The following ZNF195 variants were observed in gnomAD, a reference collection of about 807,000 sequenced individuals.
The protein encoded by ZNF195 is zinc finger protein 195, also known as hypoxia-regulated factor-1.
A neutral mutation model predicts 19.5 loss-of-function variants in ZNF195; 11 were observed. That is an observed-to-expected ratio of 0.57 (90% CI 0.36 to 0.94). ZNF195 has a LOEUF of 0.94. Ranked by LOEUF, ZNF195 falls within the 40% of genes least tolerant of loss-of-function variation. ZNF195 has a pLI of 0.01. For synonymous variants in ZNF195, 214 were observed against 248.1 expected (o/e 0.86, Z 1.29); for missense variants, 582 against 709.0 (o/e 0.82, Z 2.03).
At chr11:3,367,063 T>TAAAAA in intron 3 of ZNF195, 1 of 147,790 alleles carries the variant, frequency 6.8e-6, no homozygotes. Flanking sequence ...AAACTCTGTG[T>TAAAAA]AAAAAAAAAA....
chr11:3,376,006 A>G (rs901371624), intron 1 of ZNF195, among the ~76,000 whole-genome samples: 3 of 152,060 alleles, frequency 2.0e-5, no homozygotes, highest in Non-Finnish European at 4.4e-5. Context: ...ATCCTCCTTT[A>G]GAGTTCAATA....
intron 1 of ZNF195, among the ~76,000 whole-genome samples, chr11:3,374,521 A>G (rs557798338): frequency 9.2e-5 from 14 of 152,344 alleles, no homozygotes; most frequent in African/African-American, 3.4e-4. Flanking sequence ...TTGGAAAACA[A>G]TGTGTACACA....
Position 3,358,778 on chromosome 11 carries a change from C to T in ZNF195, c.*340G>A, listed in dbSNP as rs11026719. 1 of 1,964 alleles carries T rather than the reference C, an allele frequency of 5.1e-4. No individual in the cohort carries two copies. Among genetic ancestry groups the T allele is most frequent in the East Asian group, 0.12 (1 of 8 alleles). 0.1% of individuals were successfully genotyped at this position (1,964 alleles called of 1,614,324 possible). The stretch of plus-strand genomic sequence containing the variant: ...TCTGAACGTGTCCTTGCTTATTTTT[C>T]CCATTTAGTGTATTTGCAAAATATC... On this transcript the variant is annotated 3_prime_UTR_variant, in exon 6 of 6. Coordinates refer to ENST00000399602, the MANE Select transcript of ZNF195 (RefSeq NM_001130520.3).
rs1849627948 is a variant in ZNF195, at chr11:3,379,136, G to A, written c.-96C>T. The A allele has an allele frequency of 2.2e-6, 3 of 1,386,202 alleles. No individual in the cohort carries two copies. Among genetic ancestry groups the A allele is most frequent in the South Asian group, 3.3e-5 (2 of 60,334 alleles). The allele number at this position is 1,386,202 out of a possible 1,614,324, so 85.9% of individuals were successfully genotyped here. A position where few individuals can be genotyped will look rare whatever the true frequency, so the allele number is the denominator to read the frequency against. ...GCTAGCAGGGGACACAGAGCCGCGG[G>A]GACAGGAAGTGGAGCTCTGTCGGGA... On this transcript the variant is annotated 5_prime_UTR_variant, in exon 1 of 6. Transcript: ENST00000399602.
chr11:3,372,272 G>A (rs1473100316), intron 1 of ZNF195, among the ~76,000 whole-genome samples: 1 of 152,104 alleles, frequency 6.6e-6, no homozygotes, highest in African/African-American at 2.4e-5. Context: ...AATCTAAGAA[G>A]CAAAACCTTT....
At chr11:3,373,489 A>T in intron 1 of ZNF195, 1 of 1,011,688 alleles carries the variant, frequency 9.9e-7, no homozygotes, top group Non-Finnish European at 1.5e-6. Flanking sequence ...GAAACACCAC[A>T]AGTAGAGAAG....
intron 1 of ZNF195, chr11:3,373,544 G>A (rs747605747): frequency 6.7e-7 from 1 of 1,501,668 alleles, no homozygotes; most frequent in East Asian, 2.5e-5. Context: ...AGGAGCAAAA[G>A]TGGACACAAC....
chr11:3,374,912 T>C (rs1430289964), intron 1 of ZNF195, among the ~76,000 whole-genome samples: 1 of 152,166 alleles, frequency 6.6e-6, no homozygotes, highest in East Asian at 1.9e-4. Context: ...ACAGCGCTGG[T>C]GTTAGTAAAA....
At chr11:3,370,536 C>A (rs1031009439) in intron 3 of ZNF195, among the ~76,000 whole-genome samples, 5 of 152,210 alleles carry the variant, frequency 3.3e-5, no homozygotes, top group Non-Finnish European at 5.9e-5. Flanking sequence ...AGAAAGCATA[C>A]AACATCTGTT....
At chr11:3,363,781 C>T (rs562662931) in intron 3 of ZNF195, among the ~76,000 whole-genome samples, 8 of 152,108 alleles carry the variant, frequency 5.3e-5, no homozygotes, top group Admixed American at 1.3e-4. Context: ...ACAAGGCGAC[C>T]GTAATTAAAA....
At chr11:3,372,304 T>C (rs1849248550) in intron 1 of ZNF195, among the ~76,000 whole-genome samples, 1 of 152,234 alleles carries the variant, frequency 6.6e-6, no homozygotes, top group Non-Finnish European at 1.5e-5. Flanking sequence ...TGATTATTTA[T>C]GCACATTAAT....
Position 3,359,721 on chromosome 11 carries a change from C to T in ZNF195, c.1287G>A (p.Lys429=). Residue 429 remains lysine, a synonymous_variant, in exon 6 of 6, where the codon AAG becomes AAA. Coordinates refer to ENST00000399602, the MANE Select transcript of ZNF195 (RefSeq NM_001130520.3). This position sits in a 1 kb window ranked among gnomAD's most constrained non-coding sequence, Gnocchi z 5.5. ...FKWFSDLTKH[K]RIHTGEKPYK... is the part of the protein sequence containing the mutation. ...ATGGTTTCTCACCAGTGTGAATTCTCTTATGTTTAGTAAGGTCTGAGAACC... is the reference window on the plus strand; with the variant it reads ...ATGGTTTCTCACCAGTGTGAATTCTTTTATGTTTAGTAAGGTCTGAGAACC... 1 of 1,614,124 alleles carries T rather than the reference C, an allele frequency of 6.2e-7. No individual in the cohort carries two copies. Among genetic ancestry groups the T allele is most frequent in the Non-Finnish European group, 8.5e-7 (1 of 1,179,962 alleles).
At position 3,377,671 on chromosome 11, in the gene ZNF195, G is replaced by A. The variant is rs992332035; in HGVS notation, c.3+1367C>T. 4.1e-6 allele frequency: 5 copies of A among 1,231,070 alleles called. No homozygotes were observed. In the African/African-American group the frequency reaches 6.3e-5, roughly 15 times the overall value. 76.3% of individuals were successfully genotyped at this position (1,231,070 alleles called of 1,614,324 possible). ...TTCTCTCAGCCCAGGGCATCCAGCT[G>A]CTCCCTGGAGAGGCCACACTTCATA... On this transcript the variant is annotated intron_variant, in intron 1 of 5. Transcript: ENST00000399602.
At position 3,359,393 on chromosome 11, in the gene ZNF195, C is replaced by T. The variant is rs942685964; in HGVS notation, c.1615G>A (p.Val539Ile). Residue 539 changes from valine to isoleucine, a missense_variant, in exon 6 of 6, where the codon GTA becomes ATA. By Grantham distance (29) the Val-to-Ile change is conservative. Transcript: ENST00000399602. This position sits in a 1 kb window ranked among gnomAD's most constrained non-coding sequence, Gnocchi z 5.5. Reference sequence around the variant, plus strand: ...TCTCCAGTATGAATTCTCTTATGTACAATAAGGTTGGAGGACTGGGTAAAG... The same window carrying T: ...TCTCCAGTATGAATTCTCTTATGTATAATAAGGTTGGAGGACTGGGTAAAG... ...KNFTQSSNLI[V>I]HKRIHTGEKP... 3.1e-6 allele frequency: 5 copies of T among 1,613,836 alleles called. No homozygotes were observed. The highest frequency in any genetic ancestry group is 1.3e-5 in the African/African-American group (1 of 74,844).
Position 3,359,525 on chromosome 11 carries a change from T to C in ZNF195, c.1483A>G (p.Thr495Ala). ...KRTHSEEKPYTCEECGNIFKQ... is the reference protein window; with the variant it reads ...KRTHSEEKPYACEECGNIFKQ... ...AAGATGTTGCCACATTCTTCACACG[T>C]GTAGGGTTTTTCTTCAGAATGAGTT... The change falls in exon 6 of 6, where the codon ACG (threonine) becomes GCG (alanine). Residue 495 changes from threonine (T) to alanine (A), a missense_variant. Around this residue, in one of 3 missense-constraint regions of ZNF195, gnomAD observed 407 missense variants for 530.5 expected, o/e 0.77. Transcript: ENST00000399602. The surrounding 1 kb of genome is among the most constrained non-coding windows in gnomAD (Gnocchi z 5.5). 6.2e-7 allele frequency: 1 copy of C among 1,614,186 alleles called. No individual in the cohort carries two copies. Among genetic ancestry groups the C allele is most frequent in the Non-Finnish European group, 8.5e-7 (1 of 1,180,026 alleles).
intron 3 of ZNF195, among the ~76,000 whole-genome samples, chr11:3,364,200 G>A (rs978386236): frequency 3.3e-5 from 5 of 152,152 alleles, no homozygotes; most frequent in Non-Finnish European, 5.9e-5. Context: ...GGTGGCTGAT[G>A]CCCATAATGC....
intron 3 of ZNF195, chr11:3,369,448 T>C (rs780059038): frequency 1.1e-5 from 5 of 448,846 alleles, no homozygotes; most frequent in Non-Finnish European, 1.8e-5. Flanking sequence ...TCATGTTCAC[T>C]GCAGCATTAT....
intron 3 of ZNF195, among the ~76,000 whole-genome samples, chr11:3,363,602 A>C (rs572522375): frequency 6.6e-6 from 1 of 152,238 alleles, no homozygotes; most frequent in Admixed American, 6.5e-5. Flanking sequence ...GTCCAATGCA[A>C]TCTACAAACT....
At chr11:3,371,295 A>G (rs1849196802) in intron 2 of ZNF195, 2 of 659,352 alleles carry the variant, frequency 3.0e-6, no homozygotes, top group Non-Finnish European at 4.9e-6. Flanking sequence ...TGGAAATTTG[A>G]CTTTAAGTTG....
Sources: allele counts gnomAD v4.1 joint callset (sites outside exome capture counted in the v4.1 genomes callset), GRCh38; gene constraint gnomAD v4.1.1; regional missense constraint gnomAD v4.1.1; non-coding constraint Gnocchi (gnomAD v3.1); transcripts MANE v1.5; gene names NCBI Gene and HGNC (gene_info 2026-07-23, HGNC 2026-07-21).